DHX57: variants seen among roughly 807,000 people sequenced by gnomAD.
DHX57 encodes DExH-box helicase 57.
DHX57 carries 105 observed loss-of-function variants against 156.2 expected under a neutral mutation model. That is an observed-to-expected ratio of 0.67 (90% CI 0.57 to 0.79). DHX57 has a LOEUF of 0.79. Among genes scored for constraint, DHX57 ranks in the 30% least tolerant of loss-of-function variants. The probability of loss-of-function intolerance (pLI) is 0.00; values close to 1 mark genes in which losing one functional copy is unlikely to be tolerated. For missense variants in DHX57, 1,847 were observed against 1,661.9 expected, an observed-to-expected ratio of 1.11 and a Z score of -1.94; for synonymous variants, 704 against 595.6, an observed-to-expected ratio of 1.18 and a Z score of -2.65.
intron 13 of DHX57, among the ~76,000 whole-genome samples, chr2:38,829,730 T>C (rs1671287222): frequency 6.6e-6 from 1 of 152,164 alleles, no homozygotes; most frequent in Admixed American, 6.5e-5. Context: ...TGACATTCTA[T>C]TTCTATAGGA....
At chr2:38,860,975 C>T in intron 5 of DHX57, 24 bp downstream of exon 5, 1 of 1,593,196 alleles carries the variant, frequency 6.3e-7, no homozygotes, top group Non-Finnish European at 8.6e-7. Context: ...ATGCCTCCCT[C>T]CACAAGATCA....
intron 14 of DHX57, among the ~76,000 whole-genome samples, chr2:38,827,249 G>A (rs1266421980): frequency 1.3e-5 from 2 of 151,794 alleles, no homozygotes. Flanking sequence ...ATGTTGGAGT[G>A]TAATTCAGTA....
At chr2:38,800,151 C>A (rs554142615) in intron 23 of DHX57, among the ~76,000 whole-genome samples, 5 of 144,126 alleles carry the variant, frequency 3.5e-5, no homozygotes, top group African/African-American at 1.3e-4. Flanking sequence ...CACCATGGCA[C>A]TTCAGCCTGG....
chr2:38,801,877 G>C (rs373340966), intron 23 of DHX57, among the ~76,000 whole-genome samples: 2 of 152,106 alleles, frequency 1.3e-5, no homozygotes, highest in Admixed American at 6.6e-5. Context: ...GATTACAGGC[G>C]TAAGCCACCG....
chr2:38,841,550 T>C (rs1337235676), intron 12 of DHX57, among the ~76,000 whole-genome samples: 1 of 152,216 alleles, frequency 6.6e-6, no homozygotes, highest in East Asian at 1.9e-4. Context: ...ACATCCAGGA[T>C]TGGGAACTGT....
intron 1 of DHX57, among the ~76,000 whole-genome samples, chr2:38,873,334 T>C (rs1035482513): frequency 3.9e-5 from 6 of 152,200 alleles, no homozygotes; most frequent in African/African-American, 1.4e-4. Flanking sequence ...ATATGAACTA[T>C]GTTCTCCAAC....
At chr2:38,812,910 T>A (rs1269607712) in intron 21 of DHX57, among the ~76,000 whole-genome samples, 1 of 150,564 alleles carries the variant, frequency 6.6e-6, no homozygotes, top group African/African-American at 2.4e-5. Flanking sequence ...TACAGTGGCA[T>A]GGTCTTGGCT....
intron 1 of DHX57, among the ~76,000 whole-genome samples, chr2:38,869,277 C>A (rs1425770362): frequency 6.6e-6 from 1 of 152,166 alleles, no homozygotes; most frequent in Non-Finnish European, 1.5e-5. Context: ...TTCCAAAGGA[C>A]TGACTCCATT....
chr2:38,866,148 C>T (rs892879142), intron 2 of DHX57, among the ~76,000 whole-genome samples: 1 of 152,200 alleles, frequency 6.6e-6, no homozygotes, highest in Admixed American at 6.5e-5. Flanking sequence ...TCTGGCCAGA[C>T]TGACTGATAA....
chr2:38,821,631 T>C (rs1000053160), intron 17 of DHX57, among the ~76,000 whole-genome samples: 1 of 152,110 alleles, frequency 6.6e-6, no homozygotes, highest in Non-Finnish European at 1.5e-5. Flanking sequence ...AGTCGGAGGT[T>C]GCAGTGAGCC....
rs150769220 is a variant in DHX57, at chr2:38,848,373, A to G, written c.2060T>C (p.Ile687Thr). Residue 687 changes from isoleucine (I) to threonine (T), a missense_variant, in exon 10 of 24, where the codon ATT (isoleucine) becomes ACT (threonine). Coordinates refer to ENST00000457308, the MANE Select transcript of DHX57 (RefSeq NM_198963.3). Reference sequence around the variant, plus strand: ...TTGAAGACCTGGCCTCTGCGATACAATGTCCTTCAAAACTAGCAGCAAGAA... The same window carrying G: ...TTGAAGACCTGGCCTCTGCGATACAGTGTCCTTCAAAACTAGCAGCAAGAA... ...SDFLLLVLKD[I>T]VSQRPGLQVI... The G allele has an allele frequency of 8.3e-4, 1,334 of 1,606,768 alleles. 12 individuals carry two copies. The African/African-American group carries it at 0.016, about 19-fold the overall frequency.
chr2:38,852,881 G>C (rs1266076848), intron 9 of DHX57, among the ~76,000 whole-genome samples: 1 of 152,060 alleles, frequency 6.6e-6, no homozygotes, highest in Admixed American at 6.6e-5. Context: ...GGAAGGTCTG[G>C]CTCCTGCTGC....
intron 1 of DHX57, among the ~76,000 whole-genome samples, chr2:38,872,306 A>G (rs1002772113): frequency 6.6e-6 from 1 of 152,266 alleles, no homozygotes; most frequent in African/African-American, 2.4e-5. Context: ...GCATAAAGTA[A>G]GAACAGAAGA....
At chr2:38,824,222 C>A (rs940085485) in intron 16 of DHX57, among the ~76,000 whole-genome samples, 9 of 152,108 alleles carry the variant, frequency 5.9e-5, no homozygotes, top group African/African-American at 1.9e-4. Flanking sequence ...TGGATGAAAC[C>A]TTGAGGACAT....
chr2:38,863,512 T>C lies in DHX57; in HGVS notation c.232A>G (p.Asn78Asp). 6.2e-7 allele frequency: 1 copy of C among 1,613,478 alleles called. No individual in the cohort carries two copies. Among genetic ancestry groups the C allele is most frequent in the East Asian group, 2.2e-5 (1 of 44,860 alleles). The change falls in exon 3 of 24, where the codon AAC becomes GAC. Residue 78 changes from asparagine (N) to aspartate (D), a missense_variant. By Grantham distance (23) the Asn-to-Asp change is conservative. Coordinates refer to ENST00000457308, the MANE Select transcript of DHX57 (RefSeq NM_198963.3). ...SESRRPSRPS[N>D]SNISKGESRP... Reference sequence around the variant, plus strand: ...GACTCTCCTTTGCTTATGTTACTGTTGCTAGGTCTATAGAGAACAAAAGAG... The same window carrying C: ...GACTCTCCTTTGCTTATGTTACTGTCGCTAGGTCTATAGAGAACAAAAGAG...
intron 22 of DHX57, among the ~76,000 whole-genome samples, chr2:38,804,975 A>C (rs1432110227): frequency 6.6e-6 from 1 of 152,154 alleles, no homozygotes; most frequent in African/African-American, 2.4e-5. Context: ...CTAGAACATA[A>C]GCTTCTTGAG....
chr2:38,872,401 G>A (rs1030481906), intron 1 of DHX57, among the ~76,000 whole-genome samples: 1 of 152,192 alleles, frequency 6.6e-6, no homozygotes, highest in Non-Finnish European at 1.5e-5. Flanking sequence ...AAAAATAAAT[G>A]TGAGAGAATA....
intron 22 of DHX57, among the ~76,000 whole-genome samples, chr2:38,805,192 C>A (rs1669882188): frequency 6.6e-6 from 1 of 152,162 alleles, no homozygotes; most frequent in South Asian, 2.1e-4. Flanking sequence ...CTAACTCAGG[C>A]GTCTGGTTCC....
At position 38,854,785 on chromosome 2, in the gene DHX57, C is replaced by T. The variant is rs1389832232; in HGVS notation, c.1905+272G>A. On this transcript the variant is annotated intron_variant, in intron 8 of 23. Transcript: ENST00000457308. ...CCATGTTGGTCAGGCTGGTCTCGAACTCCCGACCTCAGGTGATCCACCTGC... is the reference window on the plus strand; with the variant it reads ...CCATGTTGGTCAGGCTGGTCTCGAATTCCCGACCTCAGGTGATCCACCTGC... 4 of 296,518 alleles carry T rather than the reference C, an allele frequency of 1.3e-5. No individual in the cohort carries two copies. In the East Asian group the frequency reaches 3.3e-4, roughly 24 times the overall value. The allele number at this position is 296,518 out of a possible 1,614,324, so 18.4% of individuals were successfully genotyped here. A position where few individuals can be genotyped will look rare whatever the true frequency, so the allele number is the denominator to read the frequency against.
Sources: allele counts gnomAD v4.1 joint callset (sites outside exome capture counted in the v4.1 genomes callset), GRCh38; gene constraint gnomAD v4.1.1; transcripts MANE v1.5; gene names NCBI Gene and HGNC (gene_info 2026-07-23, HGNC 2026-07-21).